The following LRRC4C variants were observed in gnomAD, a reference collection of about 807,000 sequenced individuals.
LRRC4C encodes the protein leucine rich repeat containing 4C, also known as leucine-rich repeat-containing protein 4C.
In LRRC4C, 5 loss-of-function variants were observed where a neutral mutation model predicts 33.6. That is an observed-to-expected ratio of 0.15 (90% CI 0.08 to 0.31). LRRC4C has a LOEUF of 0.31. LRRC4C is among the 10% of genes least tolerant of loss of function. The pLI, the probability that LRRC4C is intolerant of heterozygous loss-of-function variation, is 1.00. For missense variants in LRRC4C, 560 were observed against 796.7 expected, an observed-to-expected ratio of 0.70 and a Z score of 3.58; for synonymous variants, 329 against 302.0, an observed-to-expected ratio of 1.09 and a Z score of -0.93.
intron 1 of LRRC4C, among the ~76,000 whole-genome samples, chr11:41,283,735 G>A (rs1294484709): frequency 6.6e-6 from 1 of 152,152 alleles, no homozygotes; most frequent in Non-Finnish European, 1.5e-5. Flanking sequence ...GCCCTTTACG[G>A]AAGAGGTTTG....
chr11:40,234,474 A>G (rs1010604312), intron 5 of LRRC4C, among the ~76,000 whole-genome samples: 11 of 152,128 alleles, frequency 7.2e-5, no homozygotes, highest in Admixed American at 7.2e-4. Context: ...GCTACTGACT[A>G]TTTGGAATGG....
At chr11:40,249,011 G>A (rs770725643) in intron 4 of LRRC4C, among the ~76,000 whole-genome samples, 14 of 152,014 alleles carry the variant, frequency 9.2e-5, no homozygotes, top group Non-Finnish European at 2.1e-4. Context: ...GCCAGAGCTT[G>A]CTGTTATCAG....
chr11:41,398,806 G>A (rs1025638360), intron 1 of LRRC4C, among the ~76,000 whole-genome samples: 1 of 151,846 alleles, frequency 6.6e-6, no homozygotes, highest in African/African-American at 2.4e-5. Flanking sequence ...TTATCAAGCT[G>A]TAAATTATTA....
At chr11:41,156,137 G>A (rs1944221994) in intron 1 of LRRC4C, among the ~76,000 whole-genome samples, 1 of 152,070 alleles carries the variant, frequency 6.6e-6, no homozygotes, top group South Asian at 2.1e-4. Context: ...TGTTAGAAAA[G>A]ATCACAGCAA....
intron 4 of LRRC4C, among the ~76,000 whole-genome samples, chr11:40,289,173 A>T (rs998446): frequency 0.46 from 69,325 of 151,892 alleles, 16,224 homozygotes; most frequent in Admixed American, 0.53. Context: ...TCCCTATTTT[A>T]CATGTATTGG....
At chr11:40,292,903 C>G (rs1025549987) in intron 4 of LRRC4C, 1 of 152,116 alleles carries the variant, frequency 6.6e-6, no homozygotes, top group African/African-American at 2.4e-5. Context: ...TGCAAGGCAC[C>G]CAACAGCCAC....
intron 3 of LRRC4C, among the ~76,000 whole-genome samples, chr11:40,421,438 C>A (rs1950521561): frequency 6.6e-6 from 1 of 152,206 alleles, no homozygotes; most frequent in Non-Finnish European, 1.5e-5. Context: ...TGTGGGCAAC[C>A]TTCCATGCTG....
intron 1 of LRRC4C, among the ~76,000 whole-genome samples, chr11:41,160,252 C>T (rs1944409541): frequency 6.6e-6 from 1 of 151,674 alleles, no homozygotes; most frequent in Non-Finnish European, 1.5e-5. Flanking sequence ...TGCCATTGTC[C>T]CAGCTACCAG....
chr11:40,948,417 G>A (rs1054629092), intron 1 of LRRC4C, among the ~76,000 whole-genome samples: 59 of 151,226 alleles, frequency 3.9e-4, no homozygotes, highest in Middle Eastern at 6.8e-3. Context: ...TGCACAATGT[G>A]CAGGTTAGTT....
Position 40,967,494 on chromosome 11 carries a change from C to A in LRRC4C, c.-495-33771G>T, listed in dbSNP as rs532483086. On this transcript the variant is annotated intron_variant, in intron 1 of 6. Transcript: ENST00000528697. ...ATGCTTTTTGCAACCCTGTATCAAA[C>A]AAATCTATCAGTACCATTTTTCCAA... Among the ~76,000 whole-genome samples, 33 of 152,164 alleles carry A rather than the reference C, an allele frequency of 2.2e-4. 1 individual carries two copies. Among genetic ancestry groups the A allele is most frequent in the Admixed American group, 2.1e-3 (32 of 15,260 alleles).
intron 1 of LRRC4C, among the ~76,000 whole-genome samples, chr11:40,969,306 C>G (rs752423338): frequency 2.8e-4 from 42 of 152,042 alleles, no homozygotes; most frequent in Admixed American, 7.2e-4. Flanking sequence ...AAAGTGGTTT[C>G]TTGAGATGAA....
chr11:40,833,835 T>C (rs1952533261), intron 2 of LRRC4C, among the ~76,000 whole-genome samples: 1 of 152,162 alleles, frequency 6.6e-6, no homozygotes, highest in South Asian at 2.1e-4. Context: ...GTGACTAATA[T>C]TAATTTTAAA....
intron 3 of LRRC4C, among the ~76,000 whole-genome samples, chr11:40,514,349 A>G (rs1160792932): frequency 6.6e-6 from 1 of 152,236 alleles, no homozygotes; most frequent in Non-Finnish European, 1.5e-5. Context: ...TTTGGAGCCA[A>G]ATCATTCTTG....
At chr11:40,526,566 C>T (rs1956059684) in intron 3 of LRRC4C, among the ~76,000 whole-genome samples, 1 of 151,992 alleles carries the variant, frequency 6.6e-6, no homozygotes, top group Non-Finnish European at 1.5e-5. Flanking sequence ...ACAGAAAATA[C>T]CAAATATTGG....
intron 1 of LRRC4C, among the ~76,000 whole-genome samples, chr11:41,233,894 G>T (rs1410585344): frequency 6.6e-6 from 1 of 151,690 alleles, no homozygotes; most frequent in African/African-American, 2.4e-5. Context: ...AGATTAAGGG[G>T]GCAGGAGGGA....
chr11:40,478,646 A>G (rs925083882), intron 3 of LRRC4C, among the ~76,000 whole-genome samples: 3 of 152,094 alleles, frequency 2.0e-5, no homozygotes, highest in Non-Finnish European at 4.4e-5. Context: ...GTACCCATTA[A>G]CTCGTCATTT....
intron 4 of LRRC4C, among the ~76,000 whole-genome samples, chr11:40,307,769 CTTA>C (rs1278665186): frequency 6.6e-6 from 1 of 151,958 alleles, no homozygotes; most frequent in African/African-American, 2.4e-5. Context: ...AAACAAATGA[CTTA>C]TTATAAAGAA....
Position 40,537,092 on chromosome 11 carries a change from G to A in LRRC4C, c.-270+111050C>T, listed in dbSNP as rs573493117. 9.9e-5 allele frequency among the ~76,000 whole-genome samples: 15 copies of A among 152,132 alleles called. 1 individual carries two copies. Among genetic ancestry groups the A allele is most frequent in the Admixed American group, 6.6e-4 (10 of 15,264 alleles). On this transcript the variant is annotated intron_variant, in intron 3 of 6. Coordinates refer to ENST00000528697, the MANE Select transcript of LRRC4C (RefSeq NM_001258419.2). ...GAGCTGCAAATATTAGCCATGGGGG[G>A]AATTAATGCAAGTGAGGAAATATAT...
At chr11:40,892,083 G>A (rs1384805740) in intron 2 of LRRC4C, among the ~76,000 whole-genome samples, 1 of 149,768 alleles carries the variant, frequency 6.7e-6, no homozygotes, top group African/African-American at 2.5e-5. Flanking sequence ...TGCAGTGAGT[G>A]GCGATGGCGC....
Sources: allele counts gnomAD v4.1 joint callset (sites outside exome capture counted in the v4.1 genomes callset), GRCh38; gene constraint gnomAD v4.1.1; transcripts MANE v1.5; gene names NCBI Gene and HGNC (gene_info 2026-07-23, HGNC 2026-07-21).